RFX7: variants seen among roughly 807,000 people sequenced by gnomAD.
RFX7 encodes DNA-binding protein RFX7.
In RFX7, 26 loss-of-function variants were observed where a neutral mutation model predicts 111.8. The ratio of observed to expected loss-of-function variants is 0.23; its 90% CI spans 0.17 to 0.32. The LOEUF (loss-of-function observed/expected upper bound fraction) is 0.32, where lower values mean the gene tolerates loss of function less well. RFX7 is among the 10% of genes least tolerant of loss of function. The pLI, the probability that RFX7 is intolerant of heterozygous loss-of-function variation, is 1.00. For synonymous variants in RFX7, 624 were observed against 624.4 expected (o/e 1.00, Z 0.01); for missense variants, 1,573 against 1,772.9 (o/e 0.89, Z 2.02).
chr15:56,178,230 G>T (rs1231821822), intron 3 of RFX7, among the ~76,000 whole-genome samples: 7 of 140,852 alleles, frequency 5.0e-5, no homozygotes, highest in African/African-American at 1.9e-4. Context: ...AAGAGTAAAT[G>T]AAAGGAAAAA....
At chr15:56,186,525 G>A (rs180886800) in intron 2 of RFX7, among the ~76,000 whole-genome samples, 1 of 152,062 alleles carries the variant, frequency 6.6e-6, no homozygotes, top group African/African-American at 2.4e-5. Flanking sequence ...GTTTATGTCC[G>A]GAGTGTGGGG....
intron 3 of RFX7, chr15:56,160,745 G>A (rs950932451): frequency 1.3e-4 from 20 of 152,140 alleles, no homozygotes; most frequent in African/African-American, 4.6e-4. Flanking sequence ...GGCCCCAGCA[G>A]TTCTTCCACA....
At chr15:56,185,889 T>C (rs2043032974) in intron 2 of RFX7, among the ~76,000 whole-genome samples, 1 of 152,332 alleles carries the variant, frequency 6.6e-6, no homozygotes, top group Non-Finnish European at 1.5e-5. Context: ...TGATTTGAAA[T>C]TTTTTAATTA....
At chr15:56,108,956 AAT>A (rs2041867767) in intron 5 of RFX7, among the ~76,000 whole-genome samples, 1 of 152,214 alleles carries the variant, frequency 6.6e-6, no homozygotes, top group African/African-American at 2.4e-5. Flanking sequence ...TGCTACAGAG[AAT>A]AAAATACCTA....
chr15:56,135,793 A>C (rs28847008), intron 5 of RFX7, among the ~76,000 whole-genome samples: 1 of 149,784 alleles, frequency 6.7e-6, no homozygotes, highest in South Asian at 2.2e-4. Context: ...GATTTTTGTA[A>C]AAGGTGTAAG....
intron 2 of RFX7, among the ~76,000 whole-genome samples, chr15:56,232,510 T>A (rs764151566): frequency 1.3e-5 from 2 of 152,182 alleles, no homozygotes; most frequent in African/African-American, 2.4e-5. Context: ...TTTTCCCCAT[T>A]GTCTTGGTGA....
intron 2 of RFX7, among the ~76,000 whole-genome samples, chr15:56,242,287 G>A (rs1567058464): frequency 1.3e-5 from 2 of 152,134 alleles, no homozygotes; most frequent in Non-Finnish European, 2.9e-5. Flanking sequence ...AACAATGCAA[G>A]TTCATGTTCA....
rs561388848 is a variant in RFX7, at chr15:56,139,307, G to C, written c.401+3471C>G. On this transcript the variant is annotated intron_variant, in intron 5 of 9. Coordinates refer to ENST00000559447, the MANE Select transcript of RFX7 (RefSeq NM_022841.7). ...TAGTCCCATATTTCTTGGAGGCTTT[G>C]CTCATTTCTTTTTATTCTTTTTTCT... Among the ~76,000 whole-genome samples the C allele has an allele frequency of 4.6e-5, 7 of 151,866 alleles. No individual in the cohort carries two copies. The South Asian group carries it at 1.3e-3, about 27-fold the overall frequency.
chr15:56,141,610 C>G (rs2042394500), intron 5 of RFX7, among the ~76,000 whole-genome samples: 1 of 133,710 alleles, frequency 7.5e-6, no homozygotes, highest in Non-Finnish European at 1.6e-5. Context: ...TCGGAGGGGT[C>G]TATTTTAACT....
intron 3 of RFX7, among the ~76,000 whole-genome samples, chr15:56,147,427 T>C (rs901437158): frequency 5.3e-5 from 8 of 152,210 alleles, no homozygotes; most frequent in African/African-American, 1.9e-4. Context: ...CAGAGGCAGA[T>C]GACTGCTTAA....
intron 2 of RFX7, among the ~76,000 whole-genome samples, chr15:56,184,865 G>C (rs2141147456): frequency 6.6e-6 from 1 of 152,242 alleles, no homozygotes; most frequent in East Asian, 1.9e-4. Context: ...GACAGAAGTT[G>C]GTATGATTTG....
intron 5 of RFX7, among the ~76,000 whole-genome samples, chr15:56,121,820 T>C (rs1463667809): frequency 1.3e-5 from 2 of 152,218 alleles, no homozygotes; most frequent in African/African-American, 4.8e-5. Context: ...CTCTGATGCA[T>C]TCTTCAGTGT....
chr15:56,101,501 G>A lies in RFX7; in HGVS notation c.669C>T (p.Cys223=). 1 of 1,613,630 alleles carries A rather than the reference G, an allele frequency of 6.2e-7. No homozygotes were observed. The highest frequency in any genetic ancestry group is 1.1e-5 in the South Asian group (1 of 91,064). The change falls in exon 8 of 10, where the codon TGC becomes TGT. Residue 223 remains cysteine (C), a synonymous_variant. Transcript: ENST00000559447. ...NIDEEVISSA[C]RLVCEWAQKV... ...TCTGGGCCCACTCACACACAAGACG[G>A]CAAGCAGAAGAGATAACTTCTTCAT...
intron 5 of RFX7, among the ~76,000 whole-genome samples, chr15:56,138,412 G>A (rs1396462787): frequency 6.7e-6 from 1 of 150,346 alleles, no homozygotes; most frequent in Admixed American, 6.6e-5. Context: ...TTTAAAGTCT[G>A]TTTTATCAGA....
At chr15:56,184,693 G>T (rs1352561691) in intron 2 of RFX7, among the ~76,000 whole-genome samples, 3 of 152,134 alleles carry the variant, frequency 2.0e-5, no homozygotes, top group African/African-American at 7.2e-5. Context: ...AGTGCTATCT[G>T]CCTGGCTTGC....
At chr15:56,162,025 A>G (rs764014) in intron 3 of RFX7, among the ~76,000 whole-genome samples, 19,867 of 152,048 alleles carry the variant, frequency 0.13, 1,709 homozygotes, top group East Asian at 0.45. Context: ...TCTGTGTGCT[A>G]TTTGAAAAGA....
intron 2 of RFX7, among the ~76,000 whole-genome samples, chr15:56,234,199 A>C (rs2043598470): frequency 6.6e-6 from 1 of 152,226 alleles, no homozygotes; most frequent in Non-Finnish European, 1.5e-5. Context: ...TATTGCATTT[A>C]ACAAAACTTA....
At chr15:56,168,883 T>C (rs2042812174) in intron 3 of RFX7, among the ~76,000 whole-genome samples, 1 of 152,096 alleles carries the variant, frequency 6.6e-6, no homozygotes, top group Admixed American at 6.6e-5. Flanking sequence ...AAAGATAACA[T>C]AGCAAATAAA....
At chr15:56,220,535 G>GCT (rs1555426429) in intron 2 of RFX7, among the ~76,000 whole-genome samples, 1 of 149,202 alleles carries the variant, frequency 6.7e-6, no homozygotes, top group East Asian at 2.0e-4. Context: ...CTAGCCAAAT[G>GCT]TTTTTTTTTT....
Sources: allele counts gnomAD v4.1 joint callset (sites outside exome capture counted in the v4.1 genomes callset), GRCh38; gene constraint gnomAD v4.1.1; transcripts MANE v1.5; gene names NCBI Gene and HGNC (gene_info 2026-07-23, HGNC 2026-07-21).